BICC1: variants seen among roughly 807,000 people sequenced by gnomAD.
BICC1 encodes BicC family RNA binding protein 1.
Under a neutral mutation model 111.0 loss-of-function variants are expected in BICC1, and 43 were observed. The ratio of observed to expected loss-of-function variants is 0.39; its 90% CI spans 0.30 to 0.50. BICC1 has a LOEUF of 0.50. Ranked by LOEUF, BICC1 falls within the 20% of genes least tolerant of loss-of-function variation. The probability of loss-of-function intolerance (pLI) is 0.88; values close to 1 mark genes in which losing one functional copy is unlikely to be tolerated. For synonymous variants in BICC1, 467 were observed against 434.4 expected (o/e 1.07, Z -0.93); for missense variants, 1,091 against 1,203.2 (o/e 0.91, Z 1.38).
At chr10:58,762,254 T>G (rs1842336558) in intron 3 of BICC1, among the ~76,000 whole-genome samples, 1 of 152,062 alleles carries the variant, frequency 6.6e-6, no homozygotes, top group Non-Finnish European at 1.5e-5. Context: ...CTATGGAAAC[T>G]TGAAGAGACA....
rs1839597221 is a variant in BICC1 at position 58,683,252 on chromosome 10, T to G, written c.238-18822T>G. Among the ~76,000 whole-genome samples the G allele has an allele frequency of 2.0e-5, 3 of 152,262 alleles. No individual in the cohort carries two copies. In the South Asian group the frequency reaches 6.2e-4, roughly 32 times the overall value. The stretch of plus-strand genomic sequence containing the variant: ...GTTCCATTGGTCTATATCTCTGTTT[T>G]GGTACCAGTACCATGCTGTTTTGGT... On this transcript the variant is annotated intron_variant, in intron 2 of 20. Transcript: ENST00000373886.
At chr10:58,744,436 T>TAAAA (rs991570854) in intron 3 of BICC1, among the ~76,000 whole-genome samples, 1 of 151,352 alleles carries the variant, frequency 6.6e-6, no homozygotes, top group South Asian at 2.1e-4. Context: ...TGATTTTTTT[T>TAAAA]AAAAAAATAG....
At chr10:58,817,930 A>G (rs1274734483) in intron 19 of BICC1, among the ~76,000 whole-genome samples, 1 of 152,198 alleles carries the variant, frequency 6.6e-6, no homozygotes, top group Non-Finnish European at 1.5e-5. Context: ...AGAGAAAATC[A>G]TACTTGCAGA....
chr10:58,666,475 T>C (rs1314836233), intron 2 of BICC1, among the ~76,000 whole-genome samples: 1 of 152,222 alleles, frequency 6.6e-6, no homozygotes, highest in African/African-American at 2.4e-5. Flanking sequence ...CTAATTATGT[T>C]CTTTTCCTTC....
intron 2 of BICC1, among the ~76,000 whole-genome samples, chr10:58,698,383 A>G (rs1235672232): frequency 6.6e-6 from 1 of 152,014 alleles, no homozygotes. Context: ...ACCTTTCCAC[A>G]TGCCCTCCTC....
At chr10:58,621,184 C>T (rs557834024) in intron 2 of BICC1, among the ~76,000 whole-genome samples, 56 of 152,310 alleles carry the variant, frequency 3.7e-4, no homozygotes, top group Middle Eastern at 6.8e-3. Flanking sequence ...ATGTGGCATT[C>T]ACACTTCATT....
chr10:58,661,570 A>G (rs1564538518), intron 2 of BICC1, among the ~76,000 whole-genome samples: 1 of 152,094 alleles, frequency 6.6e-6, no homozygotes, highest in Non-Finnish European at 1.5e-5. Flanking sequence ...GTTGGTTGCT[A>G]TTATTGACAA....
At chr10:58,537,992 C>T (rs570035111) in intron 1 of BICC1, among the ~76,000 whole-genome samples, 1 of 151,986 alleles carries the variant, frequency 6.6e-6, no homozygotes, top group Non-Finnish European at 1.5e-5. Flanking sequence ...AATGGAAATA[C>T]ACCTTATGCT....
intron 15 of BICC1, among the ~76,000 whole-genome samples, chr10:58,804,225 G>A (rs1437930108): frequency 6.6e-6 from 1 of 151,964 alleles, no homozygotes; most frequent in Admixed American, 6.6e-5. Context: ...GTTTAAAAAA[G>A]ACATTTAAGG....
At chr10:58,715,030 T>C (rs1002904272) in intron 3 of BICC1, among the ~76,000 whole-genome samples, 1 of 150,550 alleles carries the variant, frequency 6.6e-6, no homozygotes, top group Non-Finnish European at 1.5e-5. Context: ...ATCTAACCAC[T>C]GCACTGCAGC....
chr10:58,556,351 G>T (rs1336163524), intron 1 of BICC1, among the ~76,000 whole-genome samples: 1 of 152,180 alleles, frequency 6.6e-6, no homozygotes, highest in East Asian at 1.9e-4. Context: ...TAAGGAAAAT[G>T]TATATTAAAA....
At chr10:58,828,479 A>C (rs1844462395) in intron 20 of BICC1, among the ~76,000 whole-genome samples, 1 of 152,218 alleles carries the variant, frequency 6.6e-6, no homozygotes. Context: ...TACAGTTTAC[A>C]AACTATAATA....
intron 3 of BICC1, among the ~76,000 whole-genome samples, chr10:58,703,911 T>C (rs1307188891): frequency 3.3e-5 from 5 of 150,012 alleles, no homozygotes; most frequent in African/African-American, 1.2e-4. Flanking sequence ...TTTTATGTCT[T>C]ATTCTCTTGC....
chr10:58,796,423 G>T lies in BICC1; in HGVS notation c.1263G>T (p.Gly421=), dbSNP rs1446614204. The T allele has an allele frequency of 1.2e-6, 2 of 1,614,068 alleles. No homozygotes were observed. Among genetic ancestry groups the T allele is most frequent in the South Asian group, 2.2e-5 (2 of 91,082 alleles). Residue 421 remains glycine (G), a synonymous_variant, in exon 10 of 21, where the codon GGG becomes GGT. Coordinates refer to ENST00000373886, the MANE Select transcript of BICC1 (RefSeq NM_001080512.3). Reference sequence around the variant, plus strand: ...GTCTCCTCGGACTTGAAAGCAGTGGGGTTACCATAGCAACCAGTCCATCCC... The same window carrying T: ...GTCTCCTCGGACTTGAAAGCAGTGGTGTTACCATAGCAACCAGTCCATCCC... ...RKCLLGLESS[G]VTIATSPSPA... is the part of the protein sequence containing the mutation.
At chr10:58,539,825 A>G (rs1001434370) in intron 1 of BICC1, among the ~76,000 whole-genome samples, 3 of 151,930 alleles carry the variant, frequency 2.0e-5, no homozygotes, top group Non-Finnish European at 4.4e-5. Context: ...AAAACAGCAG[A>G]ATAGATAGTC....
intron 1 of BICC1, among the ~76,000 whole-genome samples, chr10:58,562,769 A>G (rs1246914906): frequency 1.4e-5 from 2 of 146,942 alleles, no homozygotes; most frequent in East Asian, 2.0e-4. Flanking sequence ...TTTTCTGTTT[A>G]TGTGTCTTGT....
At position 58,830,568 on chromosome 10, in the gene BICC1, G is replaced by A. The variant is rs1844526295; in HGVS notation, c.*1677G>A. Reference sequence around the variant, plus strand: ...TCCATGGCTGAGTCTGACCATTACAGTAAGAACAAGAATTGAAGAGGCATT... The same window carrying A: ...TCCATGGCTGAGTCTGACCATTACAATAAGAACAAGAATTGAAGAGGCATT... On this transcript the variant is annotated 3_prime_UTR_variant, in exon 21 of 21. Coordinates refer to ENST00000373886, the MANE Select transcript of BICC1 (RefSeq NM_001080512.3). 6.6e-6 allele frequency: 1 copy of A among 152,116 alleles called. No individual in the cohort carries two copies. Among genetic ancestry groups the A allele is most frequent in the Non-Finnish European group, 1.5e-5 (1 of 68,008 alleles). The allele number at this position is 152,116 out of a possible 1,614,324, so 9.4% of individuals were successfully genotyped here. A position where few individuals can be genotyped will look rare whatever the true frequency, so the allele number is the denominator to read the frequency against.
At chr10:58,682,644 CAT>C (rs1029146927) in intron 2 of BICC1, among the ~76,000 whole-genome samples, 3 of 152,032 alleles carry the variant, frequency 2.0e-5, no homozygotes, top group African/African-American at 7.2e-5. Flanking sequence ...TTTCATGTGT[CAT>C]GTGTCTGTTT....
chr10:58,784,941 T>A (rs927083859), intron 3 of BICC1, 60 bp from the exon 4 acceptor site: 67 of 926,218 alleles, frequency 7.2e-5, no homozygotes, highest in Admixed American at 5.4e-4. Context: ...ACAGAGTTTT[T>A]AAAACAATTT....
Sources: allele counts gnomAD v4.1 joint callset (sites outside exome capture counted in the v4.1 genomes callset), GRCh38; gene constraint gnomAD v4.1.1; transcripts MANE v1.5; gene names NCBI Gene and HGNC (gene_info 2026-07-23, HGNC 2026-07-21).